Variants in PLEKHG4B observed in about 807,000 individuals in gnomAD.
PLEKHG4B encodes the protein pleckstrin homology and RhoGEF domain containing G4B.
Under a neutral mutation model 121.3 loss-of-function variants are expected in PLEKHG4B, and 111 were observed. The observed-to-expected ratio is 0.92, with a 90% CI of 0.78 to 1.07. The LOEUF (loss-of-function observed/expected upper bound fraction) is 1.07, where lower values mean the gene tolerates loss of function less well. Ranked by LOEUF, PLEKHG4B falls within the 50% of genes least tolerant of loss-of-function variation. The pLI, the probability that PLEKHG4B is intolerant of heterozygous loss-of-function variation, is 0.00. For missense variants in PLEKHG4B, 1,831 were observed against 1,757.8 expected, an observed-to-expected ratio of 1.04 and a Z score of -0.74; for synonymous variants, 738 against 725.0, an observed-to-expected ratio of 1.02 and a Z score of -0.29.
At chr5:130,915 C>G (rs186737119) in intron 2 of PLEKHG4B, among the ~76,000 whole-genome samples, 5 of 152,242 alleles carry the variant, frequency 3.3e-5, no homozygotes, top group Admixed American at 6.5e-5. Flanking sequence ...GCTAGTTTGG[C>G]CAAGGAGAAT....
In PLEKHG4B at chr5:157,911, C is replaced by T. The variant is rs149580166; in HGVS notation, c.2487+1000C>T. On this transcript the variant is annotated intron_variant, in intron 11 of 19. Transcript: ENST00000637938. This position sits in a 1 kb window ranked among gnomAD's most constrained non-coding sequence, Gnocchi z 4.6. Reference sequence around the variant, plus strand: ...AGCTCCCCCGGCCTTCAGGTCCATGCGCGTGCCCTCACGGGGGCCTCCAGA... The same window carrying T: ...AGCTCCCCCGGCCTTCAGGTCCATGTGCGTGCCCTCACGGGGGCCTCCAGA... Among the ~76,000 whole-genome samples the T allele has an allele frequency of 4.7e-3, 713 of 152,306 alleles. 3 individuals are homozygous for T. Among genetic ancestry groups the T allele is most frequent in the Non-Finnish European group, 7.8e-3 (532 of 68,016 alleles).
At chr5:176,965 G>A (rs1452596976) in intron 18 of PLEKHG4B, among the ~76,000 whole-genome samples, 1 of 152,210 alleles carries the variant, frequency 6.6e-6, no homozygotes, top group Non-Finnish European at 1.5e-5. Flanking sequence ...TTTCAGGTGT[G>A]TCTAGGACCT....
chr5:142,300 G>T (rs1307552817), intron 3 of PLEKHG4B, among the ~76,000 whole-genome samples: 1 of 151,922 alleles, frequency 6.6e-6, no homozygotes, highest in Admixed American at 6.6e-5. Flanking sequence ...AGCACCCCTC[G>T]CAGTCACACA....
At chr5:112,030 T>G (rs1734174022) in intron 1 of PLEKHG4B, among the ~76,000 whole-genome samples, 1 of 152,214 alleles carries the variant, frequency 6.6e-6, no homozygotes, top group Admixed American at 6.5e-5. Flanking sequence ...GATTTGAGTT[T>G]TTGGAAATTA....
At chr5:99,624 C>T (rs1226631453) in intron 1 of PLEKHG4B, among the ~76,000 whole-genome samples, 1 of 151,976 alleles carries the variant, frequency 6.6e-6, no homozygotes, top group Non-Finnish European at 1.5e-5. Flanking sequence ...ATTTATTAGC[C>T]ATCTAGCTTT....
At chr5:146,965 C>A (rs1389511558) in intron 6 of PLEKHG4B, among the ~76,000 whole-genome samples, 1 of 152,098 alleles carries the variant, frequency 6.6e-6, no homozygotes, top group African/African-American at 2.4e-5. Flanking sequence ...CAGGCTCAGT[C>A]ATGACCCCCC....
intron 2 of PLEKHG4B, among the ~76,000 whole-genome samples, chr5:116,522 G>C (rs1734312638): frequency 6.6e-6 from 1 of 152,226 alleles, no homozygotes; most frequent in African/African-American, 2.4e-5. Context: ...TGTACATACA[G>C]ATAAGTCCCA....
At chr5:151,238 G>A (rs1282884442) in intron 6 of PLEKHG4B, among the ~76,000 whole-genome samples, 1 of 152,156 alleles carries the variant, frequency 6.6e-6, no homozygotes, top group Non-Finnish European at 1.5e-5. Context: ...GGTGGTGATG[G>A]TTACATGACT....
chr5:162,673 G>A, intron 12 of PLEKHG4B, 49 bp from the exon 13 acceptor site: 1 of 1,299,396 alleles, frequency 7.7e-7, no homozygotes. Flanking sequence ...GCTGGCTCCA[G>A]GGCAGCCCCT....
intron 2 of PLEKHG4B, among the ~76,000 whole-genome samples, chr5:120,327 C>T (rs1181011336): frequency 6.6e-6 from 1 of 152,196 alleles, no homozygotes; most frequent in Non-Finnish European, 1.5e-5. Context: ...CTCAAAATCT[C>T]ATCGTCTAAC....
chr5:138,677 C>T (rs962917470), intron 2 of PLEKHG4B, among the ~76,000 whole-genome samples: 2 of 152,176 alleles, frequency 1.3e-5, no homozygotes, highest in African/African-American at 4.8e-5. Context: ...TGTTTGTTAC[C>T]AGTGCAAAAC....
chr5:129,504 A>C (rs779413260), intron 2 of PLEKHG4B, among the ~76,000 whole-genome samples: 1 of 152,238 alleles, frequency 6.6e-6, no homozygotes, highest in Non-Finnish European at 1.5e-5. Context: ...CTGTAACTTC[A>C]GTCTCCCTAA....
intron 9 of PLEKHG4B, among the ~76,000 whole-genome samples, chr5:155,678 T>C (rs558512816): frequency 1.3e-5 from 2 of 152,290 alleles, no homozygotes; most frequent in East Asian, 1.9e-4. Context: ...TTTGATGATA[T>C]GCAACAGGTG....
At chr5:177,881 G>C (rs55870804) in intron 18 of PLEKHG4B, among the ~76,000 whole-genome samples, 19,335 of 151,892 alleles carry the variant, frequency 0.13, 2,695 homozygotes, top group African/African-American at 0.35. Context: ...TGAGACTTTC[G>C]TCCCTTTTCT....
At chr5:180,178 G>T (rs1259030233) in intron 18 of PLEKHG4B, among the ~76,000 whole-genome samples, 1 of 152,138 alleles carries the variant, frequency 6.6e-6, no homozygotes, top group Non-Finnish European at 1.5e-5. Context: ...GGCCCGGGCT[G>T]GTGTCTTCAC....
chr5:95,656 G>GT (rs1442693159), intron 1 of PLEKHG4B, among the ~76,000 whole-genome samples: 8 of 152,202 alleles, frequency 5.3e-5, no homozygotes, highest in African/African-American at 1.4e-4. Context: ...AGCCTGCCCT[G>GT]TGGGACTCTC....
Position 97,825 on chromosome 5 carries a change from C to T in PLEKHG4B, c.45+5549C>T, listed in dbSNP as rs368048199. ...TACCTCAGAATGGAATTTCAAGATT[C>T]TGTCACAGTTCTGTGTAACTTTTTG... On this transcript the variant is annotated intron_variant, in intron 1 of 19. Transcript: ENST00000637938. Among the ~76,000 whole-genome samples the T allele has an allele frequency of 9.9e-5, 15 of 152,256 alleles. No homozygotes were observed. In the East Asian group the frequency reaches 2.5e-3, roughly 25 times the overall value.
rs114353995 is a variant in PLEKHG4B, at chr5:159,340, C to T, written c.2487+2429C>T. Among the ~76,000 whole-genome samples the T allele has an allele frequency of 7.1e-3, 1,074 of 152,186 alleles. 3 individuals carry two copies. The highest frequency in any genetic ancestry group is 0.012 in the Non-Finnish European group (804 of 68,004). On this transcript the variant is annotated intron_variant, in intron 11 of 19. Coordinates refer to ENST00000637938, the MANE Select transcript of PLEKHG4B (RefSeq NM_052909.5). This position sits in a 1 kb window ranked among gnomAD's most constrained non-coding sequence, Gnocchi z 5.5. ...AGGTGTGCTCTTTGTGTCTGCACTG[C>T]GCCCCTCTGTTCTGGGAATTCTGTG...
At position 113,185 on chromosome 5, in the gene PLEKHG4B, G is replaced by T; in HGVS notation, c.46-66G>T. The T allele has an allele frequency of 2.5e-6, 1 of 398,434 alleles. No individual in the cohort carries two copies. Among genetic ancestry groups the T allele is most frequent in the South Asian group, 1.3e-4 (1 of 7,410 alleles). The allele number at this position is 398,434 out of a possible 1,614,324, so 24.7% of individuals were successfully genotyped here. On this transcript the variant is annotated intron_variant, in intron 1 of 19. Transcript: ENST00000637938. The surrounding 1 kb of genome is among the most constrained non-coding windows in gnomAD (Gnocchi z 5.2). ...GTGTGGATCCTTCAGTGCCAGCCTT[G>T]GACTGTGGTGTGCACCTGTCTTGAG... is the stretch of plus-strand genomic sequence containing the variant.
Sources: gnomAD v4.1 joint callset for allele counts (sites outside exome capture counted in the v4.1 genomes callset) on GRCh38, gnomAD v4.1.1 for gene constraint, Gnocchi (gnomAD v3.1) non-coding constraint, MANE v1.5 for transcripts, NCBI Gene and HGNC (gene_info 2026-07-23, HGNC 2026-07-21) for gene names.